The following PACS2 variants were observed in gnomAD, a reference collection of about 807,000 sequenced individuals.
PACS2 encodes the protein phosphofurin acidic cluster sorting protein 2.
Under a neutral mutation model 113.0 loss-of-function variants are expected in PACS2, and 36 were observed. The observed-to-expected ratio is 0.32, with a 90% CI of 0.24 to 0.42. PACS2 has a LOEUF of 0.42. Among genes scored for constraint, PACS2 ranks in the 10% least tolerant of loss-of-function variants. The pLI is 1.00. For missense variants in PACS2, 1,015 were observed against 1,239.5 expected (o/e 0.82, Z 2.72); for synonymous variants, 589 against 536.1 (o/e 1.10, Z -1.36).
In PACS2 at chr14:105,357,410, G is replaced by A. The variant is rs587713981; in HGVS notation, c.423+2233G>A. Among the ~76,000 whole-genome samples, 35 of 152,058 alleles carry A rather than the reference G, an allele frequency of 2.3e-4. No homozygotes were observed. Among genetic ancestry groups the A allele is most frequent in the South Asian group, 1.9e-3 (9 of 4,806 alleles). ...GTGGCCCCCACCCCAAGGCTCCCTC[G>A]CCCTGCACCTGTGGCTTCCAAAGCC... On this transcript the variant is annotated intron_variant, in intron 4 of 24. Transcript: ENST00000447393. This position sits in a 1 kb window ranked among gnomAD's most constrained non-coding sequence, Gnocchi z 5.1.
At position 105,354,443 on chromosome 14, in the gene PACS2, G is replaced by C. The variant is rs1379092249; in HGVS notation, c.298-609G>C. Among the ~76,000 whole-genome samples the C allele has an allele frequency of 6.6e-6, 1 of 152,162 alleles. No homozygotes were observed. Among genetic ancestry groups the C allele is most frequent in the Non-Finnish European group, 1.5e-5 (1 of 68,038 alleles). ...AGTGGGTTTTGATAGGCATGCTCAG[G>C]CATGTCAGCACCACCGCAGTTAGGG... On this transcript the variant is annotated intron_variant, in intron 3 of 24. Coordinates refer to ENST00000447393, the MANE Select transcript of PACS2 (RefSeq NM_001100913.3). The surrounding 1 kb of genome is among the most constrained non-coding windows in gnomAD (Gnocchi z 4.2).
intron 9 of PACS2, among the ~76,000 whole-genome samples, chr14:105,379,399 A>G (rs941395667): frequency 3.3e-5 from 5 of 152,314 alleles, no homozygotes; most frequent in Admixed American, 2.6e-4. Context: ...AGCTCTCCCC[A>G]GAGCCCCTTC....
intron 9 of PACS2, among the ~76,000 whole-genome samples, 175 bp downstream of exon 9, chr14:105,377,100 G>A (rs1183332021): frequency 2.0e-5 from 3 of 152,190 alleles, no homozygotes; most frequent in African/African-American, 7.2e-5. Flanking sequence ...TGCCTGGCAG[G>A]CCCAGGCTAC....
intron 1 of PACS2, among the ~76,000 whole-genome samples, chr14:105,327,826 T>C (rs936239551): frequency 8.5e-5 from 13 of 152,074 alleles, no homozygotes; most frequent in Non-Finnish European, 1.8e-4. Flanking sequence ...GAGGGGCCAT[T>C]GACAACTGAG....
chr14:105,349,951 G>C (rs1257246721), intron 2 of PACS2, among the ~76,000 whole-genome samples: 3 of 150,122 alleles, frequency 2.0e-5, no homozygotes, highest in African/African-American at 7.5e-5. Flanking sequence ...TTCCAGGAGA[G>C]CGTGGCTAAT....
intron 4 of PACS2, among the ~76,000 whole-genome samples, chr14:105,362,400 G>A (rs1172864792): frequency 2.7e-5 from 4 of 146,744 alleles, no homozygotes; most frequent in Non-Finnish European, 5.9e-5. Context: ...CTGGGCGACA[G>A]AGCGAGACTC....
At chr14:105,339,281 G>A (rs1337163005) in intron 1 of PACS2, among the ~76,000 whole-genome samples, 2 of 150,726 alleles carry the variant, frequency 1.3e-5, no homozygotes, top group Non-Finnish European at 3.0e-5. Flanking sequence ...TCAAGGTGGG[G>A]GGACCACCTG....
chr14:105,314,275 G>GGGGGCGGGGAGACTCGGGGC (rs1261102856), upstream of PACS2: 36 of 152,244 alleles, frequency 2.4e-4, no homozygotes, highest in African/African-American at 8.7e-4. Context: ...GCGAGGGCAG[G>GGGGGCGGGGAGACTCGGGGC]GGGGCGGGGA....
Position 105,358,259 on chromosome 14 carries a change from G to C in PACS2, c.423+3082G>C, listed in dbSNP as rs1480906235. Among the ~76,000 whole-genome samples, 2 of 152,218 alleles carry C rather than the reference G, an allele frequency of 1.3e-5. No individual in the cohort carries two copies. Among genetic ancestry groups the C allele is most frequent in the Admixed American group, 1.3e-4 (2 of 15,280 alleles). On this transcript the variant is annotated intron_variant, in intron 4 of 24. Transcript: ENST00000447393. The surrounding 1 kb of genome is among the most constrained non-coding windows in gnomAD (Gnocchi z 4.9). ...CAGGAGCTGGACGCCGGCGTGGGGTGGCTTAGGTCTGCAGGCTGACCAGCA... is the reference window on the plus strand; with the variant it reads ...CAGGAGCTGGACGCCGGCGTGGGGTCGCTTAGGTCTGCAGGCTGACCAGCA...
At chr14:105,385,775 T>A (rs1194089565) in intron 19 of PACS2, 58 bp downstream of exon 19, 15 of 1,175,458 alleles carry the variant, frequency 1.3e-5, no homozygotes, top group Non-Finnish European at 1.7e-5. Context: ...TCTTCAGGGC[T>A]TGTTTGGCAG....
rs72711572 is a variant in PACS2, at chr14:105,340,990, G to C, written c.120-7503G>C. On this transcript the variant is annotated intron_variant, in intron 1 of 24. Transcript: ENST00000447393. This position sits in a 1 kb window ranked among gnomAD's most constrained non-coding sequence, Gnocchi z 4.2. ...ATGGGGAGGCTCGCTACCAAGGGGT[G>C]GGGGGCTGGAGAACGGAGCTTGGAG... Among the ~76,000 whole-genome samples the C allele has an allele frequency of 5.3e-5, 8 of 152,362 alleles. No homozygotes were observed. Among genetic ancestry groups the C allele is most frequent in the African/African-American group, 7.2e-5 (3 of 41,588 alleles).
At chr14:105,349,908 A>C (rs9806053) in intron 2 of PACS2, among the ~76,000 whole-genome samples, 3 of 52,918 alleles carry the variant, frequency 5.7e-5, no homozygotes, top group African/African-American at 1.4e-4. Context: ...GAGAACTTCC[A>C]GGAGAGCGTG....
At position 105,383,355 on chromosome 14, in the gene PACS2, G is replaced by A; in HGVS notation, c.1626-4G>A. The A allele has an allele frequency of 5.0e-6, 8 of 1,606,268 alleles. No homozygotes were observed. Among genetic ancestry groups the A allele is most frequent in the Non-Finnish European group, 6.8e-6 (8 of 1,179,912 alleles). ...TCTCCGTCCCACCTGCCTCTGGATTGCAGCTGCAACTGCAATTCCCAGCCC... is the reference window on the plus strand; with the variant it reads ...TCTCCGTCCCACCTGCCTCTGGATTACAGCTGCAACTGCAATTCCCAGCCC... On this transcript the variant is annotated splice_polypyrimidine_tract_variant and splice_region_variant and intron_variant, in intron 15 of 24. Coordinates refer to ENST00000447393, the MANE Select transcript of PACS2 (RefSeq NM_001100913.3).
intron 4 of PACS2, among the ~76,000 whole-genome samples, chr14:105,364,363 G>A (rs2060854761): frequency 6.9e-6 from 1 of 144,954 alleles, no homozygotes; most frequent in Non-Finnish European, 1.5e-5. Flanking sequence ...TGTCCCGGGT[G>A]CACGGTGGGC....
chr14:105,333,198 C>T (rs376013089), intron 1 of PACS2, among the ~76,000 whole-genome samples: 3 of 151,690 alleles, frequency 2.0e-5, no homozygotes, highest in East Asian at 3.9e-4. Flanking sequence ...CCAGTCCCCA[C>T]CCCCTCCTGC....
At chr14:105,342,373 T>C (rs1555401783) in intron 1 of PACS2, among the ~76,000 whole-genome samples, 3 of 151,878 alleles carry the variant, frequency 2.0e-5, no homozygotes, top group African/African-American at 7.3e-5. Context: ...GCTCAGGTGA[T>C]CCTCCCACCT....
rs1300732181 is a variant in PACS2, at chr14:105,336,529, G to GTCCGT, written c.120-11963_120-11959dup. 14 of 152,560 alleles carry GTCCGT rather than the reference G, an allele frequency of 9.2e-5. No homozygotes were observed. In the East Asian group the frequency reaches 2.5e-3, roughly 27 times the overall value. The allele number at this position is 152,560 out of a possible 1,614,324, so 9.5% of individuals were successfully genotyped here. A position where few individuals can be genotyped will look rare whatever the true frequency, so the allele number is the denominator to read the frequency against. ...AGGGCAGGGTCCTCAGGTGACCAGA[G>GTCCGT]TCCGTGCAGGAGCGAGTGAGGACAG... On this transcript the variant is annotated intron_variant, in intron 1 of 24. Transcript: ENST00000447393.
upstream of PACS2, among the ~76,000 whole-genome samples, chr14:105,312,333 A>G (rs1715911672): frequency 1.3e-5 from 2 of 152,194 alleles, no homozygotes. Flanking sequence ...TTAACTTCTT[A>G]AATAATAATA....
At chr14:105,377,024 G>C in intron 9 of PACS2, 99 bp downstream of exon 9, 2 of 1,299,748 alleles carry the variant, frequency 1.5e-6, no homozygotes, top group Non-Finnish European at 2.1e-6. Flanking sequence ...CTGGAGACGG[G>C]GTGGGCAGGG....
Sources: allele counts gnomAD v4.1 joint callset (sites outside exome capture counted in the v4.1 genomes callset), GRCh38; gene constraint gnomAD v4.1.1; non-coding constraint Gnocchi (gnomAD v3.1); transcripts MANE v1.5; gene names NCBI Gene and HGNC (gene_info 2026-07-23, HGNC 2026-07-21).